Variants in TASP1 observed in about 807,000 individuals in gnomAD.
TASP1 encodes taspase 1.
A neutral mutation model predicts 56.6 loss-of-function variants in TASP1; 16 were observed. The observed-to-expected ratio is 0.28, with a 90% CI of 0.19 to 0.43. TASP1 has a LOEUF of 0.43. TASP1 is among the 20% of genes least tolerant of loss of function. The probability of loss-of-function intolerance (pLI) is 1.00; values close to 1 mark genes in which losing one functional copy is unlikely to be tolerated. For missense variants in TASP1, 393 were observed against 511.6 expected (o/e 0.77, Z 2.24); for synonymous variants, 179 against 184.2 (o/e 0.97, Z 0.23).
At chr20:13,309,126 T>C in the TASP1 span, among the ~76,000 whole-genome samples, 4 of 152,162 alleles carry the variant, frequency 2.6e-5, no homozygotes, top group Non-Finnish European at 5.9e-5. Context: ...AAACTCACAA[T>C]GCAAGGCTAC....
intron 11 of TASP1, among the ~76,000 whole-genome samples, chr20:13,443,088 T>C (rs918917877): frequency 1.3e-5 from 2 of 152,170 alleles, no homozygotes; most frequent in African/African-American, 4.8e-5. Flanking sequence ...GGCAGTAACA[T>C]TGATGGTAAG....
the TASP1 span, among the ~76,000 whole-genome samples, chr20:13,173,413 T>C: frequency 6.6e-6 from 1 of 152,198 alleles, no homozygotes; most frequent in Non-Finnish European, 1.5e-5. Flanking sequence ...CAGTTACTTC[T>C]TGCGTCATGT....
chr20:13,162,091 TAAGAA>T, the TASP1 span, among the ~76,000 whole-genome samples: 1 of 152,230 alleles, frequency 6.6e-6, no homozygotes, highest in African/African-American at 2.4e-5. Context: ...GAGTTGGTGT[TAAGAA>T]AAGACAGGCA....
intron 7 of TASP1, among the ~76,000 whole-genome samples, chr20:13,561,606 A>T (rs1196246859): frequency 6.6e-6 from 1 of 152,116 alleles, no homozygotes; most frequent in Non-Finnish European, 1.5e-5. Flanking sequence ...AGCTCAGGTG[A>T]TTCGCCCGCA....
intron 12 of TASP1, among the ~76,000 whole-genome samples, chr20:13,428,247 C>T (rs1461369993): frequency 6.6e-6 from 1 of 152,132 alleles, no homozygotes; most frequent in Admixed American, 6.6e-5. Flanking sequence ...TGTTTTGGTA[C>T]AAGGTGCAAA....
the TASP1 span, among the ~76,000 whole-genome samples, chr20:13,114,820 T>C: frequency 1.3e-5 from 2 of 152,232 alleles, no homozygotes; most frequent in Non-Finnish European, 2.9e-5. Context: ...GCCGGTGGTT[T>C]AATTCTCCAT....
the TASP1 span, among the ~76,000 whole-genome samples, chr20:13,189,467 C>T: frequency 1.3e-5 from 2 of 152,048 alleles, no homozygotes; most frequent in Admixed American, 1.3e-4. Flanking sequence ...AAGAGAAAAA[C>T]ATCACCATTA....
At chr20:13,452,360 T>G (rs1287193239) in intron 11 of TASP1, among the ~76,000 whole-genome samples, 3 of 150,936 alleles carry the variant, frequency 2.0e-5, no homozygotes, top group Non-Finnish European at 4.4e-5. Context: ...CTGAACATAC[T>G]AAATACCTGC....
At chr20:13,615,616 T>A (rs901068416) in intron 4 of TASP1, among the ~76,000 whole-genome samples, 1 of 151,050 alleles carries the variant, frequency 6.6e-6, no homozygotes, top group Non-Finnish European at 1.5e-5. Flanking sequence ...GCCATTCTCA[T>A]GCCTCAGCCT....
the TASP1 span, chr20:13,299,078 C>G: frequency 1.9e-6 from 3 of 1,613,816 alleles, no homozygotes; most frequent in Non-Finnish European, 2.5e-6. The surrounding 1 kb of genome is among the most constrained non-coding windows in gnomAD (Gnocchi z 5.8). Flanking sequence ...CCGACATCTT[C>G]GACCGCATCA....
At chr20:13,273,860 TAC>T in the TASP1 span, among the ~76,000 whole-genome samples, 1 of 152,196 alleles carries the variant, frequency 6.6e-6, no homozygotes, top group African/African-American at 2.4e-5. Context: ...CTGTGAGCAA[TAC>T]AGAGGGGTGG....
chr20:13,513,103 A>G (rs1209411520), intron 10 of TASP1, among the ~76,000 whole-genome samples: 2 of 152,102 alleles, frequency 1.3e-5, no homozygotes, highest in African/African-American at 4.8e-5. Flanking sequence ...TTGGTTCCAT[A>G]TGAACTTTAA....
At chr20:13,305,682 T>C in the TASP1 span, among the ~76,000 whole-genome samples, 1 of 152,158 alleles carries the variant, frequency 6.6e-6, no homozygotes, top group Non-Finnish European at 1.5e-5. Context: ...CAGCCAGTTG[T>C]TTTTCTGAGG....
chr20:13,533,907 A>C (rs1226408694), intron 9 of TASP1, 115 bp downstream of exon 9: 4 of 1,247,436 alleles, frequency 3.2e-6, no homozygotes, highest in East Asian at 4.8e-5. Context: ...ATGTTAAAAA[A>C]CAATGACATT....
chr20:13,200,659 TAAAAC>T, the TASP1 span, among the ~76,000 whole-genome samples: 1 of 152,058 alleles, frequency 6.6e-6, no homozygotes, highest in Non-Finnish European at 1.5e-5. Flanking sequence ...AAAAATGAAA[TAAAAC>T]AAAATAAAAT....
At chr20:13,613,540 A>T (rs1173289084) in intron 4 of TASP1, among the ~76,000 whole-genome samples, 1 of 152,094 alleles carries the variant, frequency 6.6e-6, no homozygotes, top group Admixed American at 6.5e-5. Flanking sequence ...AAAGCCAGAA[A>T]GCCTATTTTC....
At chr20:13,392,954 A>G in intron 13 of TASP1, 1 of 607,620 alleles carries the variant, frequency 1.6e-6, no homozygotes, top group African/African-American at 1.8e-5. Context: ...GGTGCTGAGT[A>G]CATTATGGAG....
the TASP1 span, among the ~76,000 whole-genome samples, chr20:13,361,657 C>G: frequency 1.3e-5 from 2 of 152,098 alleles, no homozygotes; most frequent in African/African-American, 2.4e-5. Flanking sequence ...GACTGTGCCC[C>G]CCAAAAAAAC....
chr20:13,456,473 CCTGTAA>C lies in TASP1; in HGVS notation c.986-21325_986-21320del, dbSNP rs1397620687. ...TTGTTTGCTATCCTAAAGAAAAAAA[CCTGTAA>C]AGGGTGCCAATTATTCTTCAATTAA... On this transcript the variant is annotated intron_variant, in intron 11 of 13. Transcript: ENST00000337743. Among the ~76,000 whole-genome samples the C allele has an allele frequency of 1.5e-4, 23 of 152,128 alleles. No individual in the cohort carries two copies. The East Asian group carries it at 4.3e-3, about 28-fold the overall frequency.
Sources: gnomAD v4.1 joint callset for allele counts (sites outside exome capture counted in the v4.1 genomes callset) on GRCh38, gnomAD v4.1.1 for gene constraint, Gnocchi (gnomAD v3.1) non-coding constraint, MANE v1.5 for transcripts, NCBI Gene and HGNC (gene_info 2026-07-23, HGNC 2026-07-21) for gene names.